The following ITGA1 variants were observed in gnomAD, a reference collection of about 807,000 sequenced individuals.
The protein encoded by ITGA1 is integrin subunit alpha 1, also known as integrin alpha-1.
ITGA1 carries 85 observed loss-of-function variants against 145.9 expected under a neutral mutation model. The observed-to-expected ratio is 0.58, with a 90% CI of 0.49 to 0.70. The LOEUF is 0.70. Ranked by LOEUF, ITGA1 falls within the 30% of genes least tolerant of loss-of-function variation. The pLI is 0.00. For synonymous variants in ITGA1, 520 were observed against 495.3 expected, an observed-to-expected ratio of 1.05 and a Z score of -0.66; for missense variants, 1,351 against 1,418.7, an observed-to-expected ratio of 0.95 and a Z score of 0.77.
Position 52,910,148 on chromosome 5 carries a change from T to TA in ITGA1, c.1600-13dup, listed in dbSNP as rs1387051807. On this transcript the variant is annotated splice_polypyrimidine_tract_variant and intron_variant, in intron 13 of 28. Coordinates refer to ENST00000282588, the MANE Select transcript of ITGA1 (RefSeq NM_181501.2). ...GATGGAAATACATAAATATCCTGTTTATCTTTCTTCCAGACAAGGTTTGAA... is the reference window on the plus strand; with the variant it reads ...GATGGAAATACATAAATATCCTGTTTAATCTTTCTTCCAGACAAGGTTTGAA... The TA allele has an allele frequency of 6.3e-7, 1 of 1,597,364 alleles. No homozygotes were observed. Among genetic ancestry groups the TA allele is most frequent in the South Asian group, 1.1e-5 (1 of 90,352 alleles).
chr5:52,790,616 T>C (rs1748219555), intron 1 of ITGA1, among the ~76,000 whole-genome samples: 1 of 152,242 alleles, frequency 6.6e-6, no homozygotes, highest in East Asian at 1.9e-4. Context: ...TCTTCCCCCA[T>C]GACTCTGCTT....
intron 1 of ITGA1, among the ~76,000 whole-genome samples, chr5:52,809,115 T>G (rs549838443): frequency 9.2e-5 from 14 of 152,278 alleles, no homozygotes; most frequent in Middle Eastern, 3.4e-3. Flanking sequence ...TGGAGGAGTA[T>G]TTATATTTCC....
chr5:52,846,264 G>A (rs1261019967), intron 1 of ITGA1, among the ~76,000 whole-genome samples: 5 of 152,062 alleles, frequency 3.3e-5, no homozygotes, highest in Admixed American at 6.6e-5. Context: ...TTAGCCAAAC[G>A]TGGTGTCAGG....
chr5:52,915,805 T>G (rs1750638396), intron 15 of ITGA1, among the ~76,000 whole-genome samples: 1 of 152,166 alleles, frequency 6.6e-6, no homozygotes, highest in Non-Finnish European at 1.5e-5. Flanking sequence ...ACTCTTAATT[T>G]GGTGTGTCTA....
chr5:52,881,907 A>G lies in ITGA1; in HGVS notation c.659A>G (p.His220Arg). 1.2e-6 allele frequency: 2 copies of G among 1,614,020 alleles called. No homozygotes were observed. Among genetic ancestry groups the G allele is most frequent in the South Asian group, 1.1e-5 (1 of 91,052 alleles). Reference protein sequence around the residue: ...GIVQYGENVTHEFNLNKYSST... With the variant: ...GIVQYGENVTREFNLNKYSST... The stretch of plus-strand genomic sequence containing the variant: ...GTACAGTATGGAGAAAACGTGACCC[A>G]TGAGTTCAACCTCAATAAGTATTCT... The change falls in exon 7 of 29, where the codon CAT (histidine) becomes CGT (arginine). Residue 220 changes from histidine (H) to arginine (R), a missense_variant. Transcript: ENST00000282588.
chr5:52,951,724 T>C (rs13180488), intron 28 of ITGA1, among the ~76,000 whole-genome samples: 26,803 of 152,078 alleles, frequency 0.18, 2,637 homozygotes, highest in Middle Eastern at 0.26. Flanking sequence ...ATCGATCATT[T>C]GATGGAAATT....
chr5:52,839,670 C>G (rs990453635), intron 1 of ITGA1, among the ~76,000 whole-genome samples: 4 of 152,092 alleles, frequency 2.6e-5, no homozygotes, highest in Non-Finnish European at 5.9e-5. Context: ...TGTGAGCTGG[C>G]AACACATTGC....
At chr5:52,861,743 T>A (rs1185148451) in intron 3 of ITGA1, among the ~76,000 whole-genome samples, 184 bp downstream of exon 3, 1 of 151,688 alleles carries the variant, frequency 6.6e-6, no homozygotes, top group Admixed American at 6.6e-5. Flanking sequence ...GGTGGTGCAC[T>A]ACTGTAGTCC....
At chr5:52,824,227 A>T (rs1748923569) in intron 1 of ITGA1, 1 of 151,350 alleles carries the variant, frequency 6.6e-6, no homozygotes, top group Non-Finnish European at 1.5e-5. Flanking sequence ...ATCTATCCTT[A>T]CTTCTGTTTC....
At chr5:52,916,517 T>C (rs1442131932) in intron 15 of ITGA1, among the ~76,000 whole-genome samples, 2 of 152,070 alleles carry the variant, frequency 1.3e-5, no homozygotes, top group Non-Finnish European at 2.9e-5. Flanking sequence ...TGAAAATAGA[T>C]GACTTTGCTA....
intron 8 of ITGA1, chr5:52,890,023 A>G (rs1750119335): frequency 6.6e-6 from 1 of 152,140 alleles, no homozygotes; most frequent in Non-Finnish European, 1.5e-5. Context: ...CATTTGTTGA[A>G]ACAAACTTTA....
Position 52,927,654 on chromosome 5 carries a change from G to A in ITGA1, c.2684G>A (p.Arg895Lys). The change falls in exon 20 of 29, where the codon AGA becomes AAA. Residue 895 changes from arginine to lysine, a missense_variant. Transcript: ENST00000282588. Reference sequence around the variant, plus strand: ...AAAGTTGGATATCCCTTCCTGAGAAGAGGAGAGATGGTGAGCAGATCATAC... The same window carrying A: ...AAAGTTGGATATCCCTTCCTGAGAAAAGGAGAGATGGTGAGCAGATCATAC... The part of the protein sequence containing the change: ...TCKVGYPFLR[R>K]GEMVTFKILF... The A allele has an allele frequency of 8.1e-6, 13 of 1,599,202 alleles. No individual in the cohort carries two copies. The highest frequency in any genetic ancestry group is 1.0e-5 in the Non-Finnish European group (12 of 1,167,038).
intron 1 of ITGA1, among the ~76,000 whole-genome samples, chr5:52,806,263 G>A (rs1748586493): frequency 6.6e-6 from 1 of 151,048 alleles, no homozygotes; most frequent in Non-Finnish European, 1.5e-5. Flanking sequence ...GATCTAGGAT[G>A]CAATTATAAT....
chr5:52,933,913 AT>A lies in ITGA1; in HGVS notation c.2884del (p.Ser962GlnfsTer27). The A allele has an allele frequency of 6.6e-7, 1 of 1,518,504 alleles. No individual in the cohort carries two copies. Among genetic ancestry groups the A allele is most frequent in the Non-Finnish European group, 8.9e-7 (1 of 1,125,832 alleles). 94.1% of individuals were successfully genotyped at this position (1,518,504 alleles called of 1,614,324 possible). On this transcript the variant is annotated frameshift_variant, in exon 23 of 29. Transcript: ENST00000282588. LOFTEE classifies it high-confidence loss of function. ...QFYSSASEYH[I>X]SIAANETVPE... ...TTTAAGCTCTGCAAGTGAATACCACATTTCAATTGCTGCCAATGAGACAGTC... is the reference window on the plus strand; with the variant it reads ...TTTAAGCTCTGCAAGTGAATACCACATTCAATTGCTGCCAATGAGACAGTC...
At position 52,912,188 on chromosome 5, in the gene ITGA1, A is replaced by C. The variant is rs1052891211; in HGVS notation, c.1857+1769A>C. Among the ~76,000 whole-genome samples, 126 of 143,864 alleles carry C rather than the reference A, an allele frequency of 8.8e-4. 2 individuals carry two copies. Among genetic ancestry groups the C allele is most frequent in the Middle Eastern group, 0.022 (2 of 90 alleles). 94.4% of individuals were successfully genotyped at this position (143,864 alleles called of 152,430 possible). ...AGCGTATCTAGTATATAGATACGCTATATATAGTGTATCTAGTATATAGAT... is the reference window on the plus strand; with the variant it reads ...AGCGTATCTAGTATATAGATACGCTCTATATAGTGTATCTAGTATATAGAT... On this transcript the variant is annotated intron_variant, in intron 14 of 28. Transcript: ENST00000282588.
chr5:52,922,039 G>A (rs752499207), intron 17 of ITGA1, among the ~76,000 whole-genome samples: 8 of 152,088 alleles, frequency 5.3e-5, no homozygotes, highest in East Asian at 1.9e-4. Context: ...GGTGGCTCAC[G>A]CCTGTAATCC....
chr5:52,952,100 G>A (rs1300177457), intron 28 of ITGA1, among the ~76,000 whole-genome samples: 3 of 151,234 alleles, frequency 2.0e-5, no homozygotes, highest in African/African-American at 7.3e-5. Context: ...TGAGGCAGGA[G>A]AATCACTTGA....
At chr5:52,915,863 G>T (rs1395379516) in intron 15 of ITGA1, among the ~76,000 whole-genome samples, 2 of 152,178 alleles carry the variant, frequency 1.3e-5, no homozygotes, top group Non-Finnish European at 2.9e-5. Context: ...GAGAGGTATA[G>T]GGGAAGAGAA....
At position 52,933,930 on chromosome 5, in the gene ITGA1, T is replaced by C; in HGVS notation, c.2898T>C (p.Asn966=). Residue 966 remains asparagine (N), a synonymous_variant, in exon 23 of 29, where the codon AAT becomes AAC. Coordinates refer to ENST00000282588, the MANE Select transcript of ITGA1 (RefSeq NM_181501.2). ...AATACCACATTTCAATTGCTGCCAA[T>C]GAGACAGTCCCTGAAGTTATTAATT... ...ASEYHISIAA[N]ETVPEVINST... 6.5e-7 allele frequency: 1 copy of C among 1,539,170 alleles called. No homozygotes were observed. Among genetic ancestry groups the C allele is most frequent in the South Asian group, 1.3e-5 (1 of 77,272 alleles).
Sources: gnomAD v4.1 joint callset for allele counts (sites outside exome capture counted in the v4.1 genomes callset) on GRCh38, gnomAD v4.1.1 for gene constraint, MANE v1.5 for transcripts, NCBI Gene and HGNC (gene_info 2026-07-23, HGNC 2026-07-21) for gene names.